EXOC3L4: variants seen among roughly 807,000 people sequenced by gnomAD.
The protein encoded by EXOC3L4 is exocyst complex component 3-like protein 4.
Under a neutral mutation model 69.7 loss-of-function variants are expected in EXOC3L4, and 62 were observed. The ratio of observed to expected loss-of-function variants is 0.89; its 90% CI spans 0.72 to 1.10. The LOEUF (loss-of-function observed/expected upper bound fraction) is 1.10, where lower values mean the gene tolerates loss of function less well. EXOC3L4 is among the 50% of genes least tolerant of loss of function. The probability of loss-of-function intolerance (pLI) is 0.00; values close to 1 mark genes in which losing one functional copy is unlikely to be tolerated. For missense variants in EXOC3L4, 1,087 were observed against 1,034.8 expected (o/e 1.05, Z -0.69); for synonymous variants, 502 against 464.2 (o/e 1.08, Z -1.05).
rs1190010499 is a variant in EXOC3L4, at chr14:103,107,043, C to T, written c.1581+144C>T. 22 of 724,476 alleles carry T rather than the reference C, an allele frequency of 3.0e-5. No individual in the cohort carries two copies. The East Asian group carries it at 6.1e-4, about 20-fold the overall frequency. The allele number at this position is 724,476 out of a possible 1,614,324, so 44.9% of individuals were successfully genotyped here. A position where few individuals can be genotyped will look rare whatever the true frequency, so the allele number is the denominator to read the frequency against. On this transcript the variant is annotated intron_variant, in intron 8 of 11. Coordinates refer to ENST00000688303, the MANE Select transcript of EXOC3L4 (RefSeq NM_001077594.2). ...TGTGTAGGGTAGTGGGCAGGGGACC[C>T]AGGTGAGGTCCCAGCTGAGCAGGGG...
chr14:103,104,644 G>C (rs1890428785), intron 5 of EXOC3L4, 94 bp from the exon 6 acceptor site: 1 of 745,996 alleles, frequency 1.3e-6, no homozygotes, highest in Non-Finnish European at 1.8e-6. Context: ...CAGGCACAGC[G>C]GGGCGGGCTG....
chr14:103,106,818 A>G lies in EXOC3L4; in HGVS notation c.1500A>G (p.Gln500=), dbSNP rs772282954. 66 of 1,594,314 alleles carry G rather than the reference A, an allele frequency of 4.1e-5. No homozygotes were observed. Among genetic ancestry groups the G allele is most frequent in the Non-Finnish European group, 5.6e-5 (65 of 1,169,836 alleles). Residue 500 remains glutamine, a synonymous_variant, in exon 8 of 12, where the codon CAA becomes CAG. Coordinates refer to ENST00000688303, the MANE Select transcript of EXOC3L4 (RefSeq NM_001077594.2). ...TTCTCTCCAGGTTCCCAGGAACCCAAGAGGAGCTGGAGAAGCCCCTGGTGA... is the reference window on the plus strand; with the variant it reads ...TTCTCTCCAGGTTCCCAGGAACCCAGGAGGAGCTGGAGAAGCCCCTGGTGA... ...TSLLSRFPGT[Q]EELEKPLVTA...
chr14:103,105,139 T>A, intron 7 of EXOC3L4, 67 bp downstream of exon 7: 1 of 1,522,304 alleles, frequency 6.6e-7, no homozygotes, highest in Non-Finnish European at 8.9e-7. Flanking sequence ...GCCGGGAACC[T>A]GGATGGAGGG....
At chr14:103,099,659 C>T (rs1240173635) in intron 1 of EXOC3L4, among the ~76,000 whole-genome samples, 1 of 152,172 alleles carries the variant, frequency 6.6e-6, no homozygotes, top group African/African-American at 2.4e-5. Flanking sequence ...GGGTGGGCTC[C>T]CATGGGGGTC....
At chr14:103,098,763 G>A (rs1191604801) in intron 1 of EXOC3L4, 1 of 152,244 alleles carries the variant, frequency 6.6e-6, no homozygotes, top group Non-Finnish European at 1.5e-5. Context: ...TGTGGGTCAA[G>A]TCCGAATCAG....
At position 103,100,418 on chromosome 14, in the gene EXOC3L4, C is replaced by G. The variant is rs1890106020; in HGVS notation, c.199C>G (p.Gln67Glu). Reference sequence around the variant, plus strand: ...CCGGGCCAGCCAGCGGGCTTTGACCCAGGTCTCCAAGGAAGATACGGGCCT... The same window carrying G: ...CCGGGCCAGCCAGCGGGCTTTGACCGAGGTCTCCAAGGAAGATACGGGCCT... ...FSRASQRALTQVSKEDTGLFR... is the reference protein window; with the variant it reads ...FSRASQRALTEVSKEDTGLFR... The change falls in exon 2 of 12, where the codon CAG becomes GAG. Residue 67 changes from glutamine to glutamate, a missense_variant. By Grantham distance (29) the Gln-to-Glu change is conservative. Transcript: ENST00000688303. 1 of 1,612,900 alleles carries G rather than the reference C, an allele frequency of 6.2e-7. No homozygotes were observed. Among genetic ancestry groups the G allele is most frequent in the Non-Finnish European group, 8.5e-7 (1 of 1,179,680 alleles).
intron 11 of EXOC3L4, among the ~76,000 whole-genome samples, chr14:103,108,815 A>T (rs1368735086): frequency 6.6e-6 from 1 of 152,128 alleles, no homozygotes; most frequent in Non-Finnish European, 1.5e-5. Flanking sequence ...TCTGAAAGCC[A>T]GGGGATTCTG....
At chr14:103,098,580 T>C (rs1267416031) in intron 1 of EXOC3L4, 2 of 152,280 alleles carry the variant, frequency 1.3e-5, no homozygotes, top group Non-Finnish European at 2.9e-5. Flanking sequence ...GGGCCTGGCT[T>C]GTCCTTCCCC....
In EXOC3L4 at chr14:103,104,933, A is replaced by G. The variant is rs1890449328; in HGVS notation, c.1386-59A>G. 6.3e-6 allele frequency: 10 copies of G among 1,581,702 alleles called. No individual in the cohort carries two copies. The South Asian group carries it at 1.1e-4, about 18-fold the overall frequency. ...CGTAGGGACCTGATTGGGAGGGTGGACCCAGGGTCATCGCGCAGCTAGGGA... is the reference window on the plus strand; with the variant it reads ...CGTAGGGACCTGATTGGGAGGGTGGGCCCAGGGTCATCGCGCAGCTAGGGA... On this transcript the variant is annotated intron_variant, in intron 6 of 11. Coordinates refer to ENST00000688303, the MANE Select transcript of EXOC3L4 (RefSeq NM_001077594.2).
At chr14:103,103,802 GT>G in intron 3 of EXOC3L4, 138 bp from the exon 4 acceptor site, 3 of 555,380 alleles carry the variant, frequency 5.4e-6, no homozygotes, top group African/African-American at 2.2e-5. Flanking sequence ...GCGCGCGTGT[GT>G]GTGTGTGTGT....
rs1268517215 is a variant in EXOC3L4, at chr14:103,102,170, C to T, written c.447C>T (p.Phe149=). ...CTGAACGGCAACTGCTGGCGGCCTTCGAACAGCTTCTGCGCCTGGAGACGC... is the reference window on the plus strand; with the variant it reads ...CTGAACGGCAACTGCTGGCGGCCTTTGAACAGCTTCTGCGCCTGGAGACGC... The part of the protein sequence containing the change: ...LITERQLLAA[F]EQLLRLETLL... Residue 149 remains phenylalanine (F), a synonymous_variant, in exon 3 of 12, where the codon TTC becomes TTT. Coordinates refer to ENST00000688303, the MANE Select transcript of EXOC3L4 (RefSeq NM_001077594.2). The T allele has an allele frequency of 5.0e-6, 8 of 1,604,398 alleles. No homozygotes were observed. The highest frequency in any genetic ancestry group is 1.7e-5 in the Admixed American group (1 of 59,246).
chr14:103,101,831 G>C (rs1459718679), intron 2 of EXOC3L4, among the ~76,000 whole-genome samples: 1 of 152,264 alleles, frequency 6.6e-6, no homozygotes, highest in Non-Finnish European at 1.5e-5. Context: ...GCTCAGCCGG[G>C]AGTGGAAGGT....
At chr14:103,102,855 CG>C (rs1890289274) in intron 3 of EXOC3L4, 83 bp downstream of exon 3, 1 of 1,239,776 alleles carries the variant, frequency 8.1e-7, no homozygotes, top group South Asian at 2.3e-5. Context: ...TGAGGAGCAC[CG>C]GACCTTTCTT....
intron 3 of EXOC3L4, 138 bp downstream of exon 3, chr14:103,102,910 A>G: frequency 1.1e-6 from 1 of 927,806 alleles, no homozygotes. Flanking sequence ...GAGGGCTTCG[A>G]CATGCTTTCC....
In EXOC3L4 at chr14:103,097,114, T is replaced by TAG. The variant is rs1395907349; in HGVS notation, c.-17+2276_-17+2277dup. ...GGAAGGTCTAGGGGAAAGCGGGGAG[T>TAG]AGAAGCTGAGGCTGGGGGTAGGGAG... On this transcript the variant is annotated intron_variant, in intron 1 of 11. Coordinates refer to ENST00000688303, the MANE Select transcript of EXOC3L4 (RefSeq NM_001077594.2). The surrounding 1 kb of genome is among the most constrained non-coding windows in gnomAD (Gnocchi z 4.9). 2.1e-5 allele frequency among the ~76,000 whole-genome samples: 2 copies of TAG among 97,350 alleles called. No individual in the cohort carries two copies. 63.9% of individuals were successfully genotyped at this position (97,350 alleles called of 152,430 possible).
chr14:103,106,635 C>G, intron 7 of EXOC3L4, 150 bp from the exon 8 acceptor site: 1 of 578,264 alleles, frequency 1.7e-6, no homozygotes, highest in South Asian at 2.2e-5. Flanking sequence ...TGCTGTCCCC[C>G]ACTTGACTCT....
chr14:103,099,338 G>A (rs940909041), intron 1 of EXOC3L4, among the ~76,000 whole-genome samples: 1 of 152,166 alleles, frequency 6.6e-6, no homozygotes, highest in Non-Finnish European at 1.5e-5. Context: ...CCACGGTGCC[G>A]AGGGCCCTGG....
At chr14:103,099,544 C>G (rs2139466957) in intron 1 of EXOC3L4, among the ~76,000 whole-genome samples, 1 of 152,372 alleles carries the variant, frequency 6.6e-6, no homozygotes, top group South Asian at 2.1e-4. Flanking sequence ...GCTCCTCCTT[C>G]TGCCGCCCCT....
intron 1 of EXOC3L4, among the ~76,000 whole-genome samples, chr14:103,096,739 C>T (rs548857448): frequency 3.1e-4 from 47 of 152,292 alleles, no homozygotes; most frequent in African/African-American, 1.1e-3. Context: ...TGTCTCAGTC[C>T]CCCCTCTCAA....
Sources: gnomAD v4.1 joint callset for allele counts (sites outside exome capture counted in the v4.1 genomes callset) on GRCh38, gnomAD v4.1.1 for gene constraint, Gnocchi (gnomAD v3.1) non-coding constraint, MANE v1.5 for transcripts, NCBI Gene and HGNC (gene_info 2026-07-23, HGNC 2026-07-21) for gene names.